The following PSMD9 variants were observed in gnomAD, a reference collection of about 807,000 sequenced individuals.
PSMD9 encodes 26S proteasome non-ATPase regulatory subunit 9.
A neutral mutation model predicts 25.9 loss-of-function variants in PSMD9; 26 were observed. That is an observed-to-expected ratio of 1.00 (90% confidence interval 0.73 to 1.39). PSMD9 has a LOEUF of 1.39. PSMD9 is among the 40% of genes most tolerant of loss of function. The pLI is 0.00. For synonymous variants in PSMD9, 110 were observed against 114.5 expected, an observed-to-expected ratio of 0.96 and a Z score of 0.25; for missense variants, 303 against 299.3, an observed-to-expected ratio of 1.01 and a Z score of -0.09.
chr12:121,911,329 G>C (rs1879713702), intron 4 of PSMD9, among the ~76,000 whole-genome samples: 1 of 151,988 alleles, frequency 6.6e-6, no homozygotes, highest in Non-Finnish European at 1.5e-5. Context: ...ACACTGTATA[G>C]TTTTTGTCTG....
At chr12:121,911,513 A>G (rs1003906929) in intron 4 of PSMD9, among the ~76,000 whole-genome samples, 15 of 152,180 alleles carry the variant, frequency 9.9e-5, no homozygotes, top group South Asian at 2.1e-4. Flanking sequence ...GTTGTGAACA[A>G]TGCTGCTTTG....
chr12:121,892,688 G>A (rs1475179607), intron 1 of PSMD9, among the ~76,000 whole-genome samples: 2 of 151,686 alleles, frequency 1.3e-5, no homozygotes, highest in Non-Finnish European at 2.9e-5. Context: ...GCAACAGAGC[G>A]AGACTCTGTC....
At position 121,915,888 on chromosome 12, in the gene PSMD9, G is replaced by C. The variant is rs781519268; in HGVS notation, c.588G>C (p.Gly196=). 1.9e-6 allele frequency: 3 copies of C among 1,613,932 alleles called. No individual in the cohort carries two copies. Among genetic ancestry groups the C allele is most frequent in the Admixed American group, 1.7e-5 (1 of 59,940 alleles). Residue 196 remains glycine (G), a synonymous_variant, in exon 5 of 6, where the codon GGG becomes GGC. Transcript: ENST00000541212. ...TGAATGTGACAGTGATCCGCAGGGGGGAAAAACACCAGCTTAGACTTGTTC... is the reference window on the plus strand; with the variant it reads ...TGAATGTGACAGTGATCCGCAGGGGCGAAAAACACCAGCTTAGACTTGTTC... ...KPLNVTVIRR[G]EKHQLRLVPT...
intron 2 of PSMD9, 60 bp from the exon 3 acceptor site, chr12:121,899,574 G>A (rs1879328062): frequency 1.4e-6 from 2 of 1,444,136 alleles, no homozygotes; most frequent in Non-Finnish European, 1.9e-6. Context: ...GTGAATAAAT[G>A]TAGGAGTCTT....
intron 4 of PSMD9, among the ~76,000 whole-genome samples, chr12:121,909,021 G>A (rs1879640094): frequency 6.6e-6 from 1 of 150,562 alleles, no homozygotes. Context: ...AGATTGGGGT[G>A]TGACAGGGGT....
chr12:121,909,186 G>A (rs963701556), intron 4 of PSMD9, among the ~76,000 whole-genome samples: 3 of 152,146 alleles, frequency 2.0e-5, no homozygotes, highest in African/African-American at 7.2e-5. Flanking sequence ...GCCTTAACCT[G>A]ATGGAGTGTG....
At chr12:121,889,123 A>G (rs1878982808) in intron 1 of PSMD9, 129 bp downstream of exon 1, 2 of 1,197,052 alleles carry the variant, frequency 1.7e-6, no homozygotes, top group Non-Finnish European at 1.2e-6. Context: ...AGGCGCCGCA[A>G]GTGCGGCCTC....
intron 2 of PSMD9, among the ~76,000 whole-genome samples, chr12:121,896,364 G>C (rs139207417): frequency 0.035 from 5,360 of 152,064 alleles, 121 homozygotes; most frequent in Non-Finnish European, 0.048. Flanking sequence ...CAGCTACTTG[G>C]GAGGCTGAGA....
intron 4 of PSMD9, among the ~76,000 whole-genome samples, chr12:121,907,224 C>G (rs966566076): frequency 2.9e-4 from 44 of 151,648 alleles, no homozygotes; most frequent in Non-Finnish European, 1.0e-4. Context: ...CACCCGCCAC[C>G]ACGCCCAGCT....
At chr12:121,891,557 G>T (rs1030055991) in intron 1 of PSMD9, among the ~76,000 whole-genome samples, 1 of 150,220 alleles carries the variant, frequency 6.7e-6, no homozygotes. Flanking sequence ...CCAAGATTGC[G>T]CCACTGCACT....
At chr12:121,909,490 T>TC (rs1194526555) in intron 4 of PSMD9, among the ~76,000 whole-genome samples, 2 of 151,852 alleles carry the variant, frequency 1.3e-5, no homozygotes, top group Non-Finnish European at 2.9e-5. Context: ...ATTTTTTTTT[T>TC]TTTCATTTTT....
chr12:121,903,162 A>G (rs1010492055), intron 4 of PSMD9, 55 bp downstream of exon 4: 12 of 1,432,848 alleles, frequency 8.4e-6, no homozygotes, highest in Non-Finnish European at 1.2e-5. Flanking sequence ...ACAGTATGCC[A>G]TAGACTGCGT....
intron 2 of PSMD9, among the ~76,000 whole-genome samples, chr12:121,895,044 C>T (rs558475752): frequency 5.3e-5 from 8 of 152,014 alleles, no homozygotes; most frequent in Non-Finnish European, 7.4e-5. Flanking sequence ...CTCTCTCTCT[C>T]TCTCTCTCTT....
intron 4 of PSMD9, among the ~76,000 whole-genome samples, chr12:121,911,623 A>C (rs1372831819): frequency 6.6e-6 from 1 of 151,592 alleles, no homozygotes; most frequent in African/African-American, 2.4e-5. Flanking sequence ...TCTATGTTTA[A>C]AGTTTCTAAA....
intron 1 of PSMD9, among the ~76,000 whole-genome samples, chr12:121,890,733 A>T (rs1879046687): frequency 6.6e-6 from 1 of 152,010 alleles, no homozygotes; most frequent in Non-Finnish European, 1.5e-5. Context: ...CTGCCTCCCA[A>T]AGTGTTGGGG....
chr12:121,903,169 G>C, intron 4 of PSMD9, 62 bp downstream of exon 4: 1 of 1,387,390 alleles, frequency 7.2e-7, no homozygotes, highest in African/African-American at 1.4e-5. Flanking sequence ...GCCATAGACT[G>C]CGTGGCTTAC....
At chr12:121,916,137 C>T in intron 5 of PSMD9, 147 bp from the exon 6 acceptor site, 1 of 1,213,898 alleles carries the variant, frequency 8.2e-7, no homozygotes, top group Non-Finnish European at 1.2e-6. Context: ...AGAGTCTCTC[C>T]TGGGAGTCTC....
rs372507878 is a variant in PSMD9, at chr12:121,905,583, A to G, written c.555+2476A>G. On this transcript the variant is annotated intron_variant, in intron 4 of 5. Coordinates refer to ENST00000541212, the MANE Select transcript of PSMD9 (RefSeq NM_002813.7). ...TGCTCTTTTGCCCAGTCTGGAGTGC[A>G]GTGGCACGATCTCGGCTCACTGCAA... Among the ~76,000 whole-genome samples the G allele has an allele frequency of 4.0e-5, 6 of 149,562 alleles. No homozygotes were observed. The East Asian group carries it at 7.9e-4, about 20-fold the overall frequency.
chr12:121,888,919 C>T lies in PSMD9; in HGVS notation c.63C>T (p.Ser21=). The T allele has an allele frequency of 1.7e-5, 27 of 1,595,894 alleles. No individual in the cohort carries two copies. Among genetic ancestry groups the T allele is most frequent in the Non-Finnish European group, 2.2e-5 (26 of 1,172,052 alleles). Residue 21 remains serine (S), a synonymous_variant, in exon 1 of 6, where the codon AGC becomes AGT. Transcript: ENST00000541212. ...GSSQAGVVTV[S]DVQELMRRKE... ...CGCAGGCCGGCGTCGTGACTGTCAG[C>T]GACGTCCAGGAGCTGATGCGGCGCA...
Sources: gnomAD v4.1 joint callset for allele counts (sites outside exome capture counted in the v4.1 genomes callset) on GRCh38, gnomAD v4.1.1 for gene constraint, MANE v1.5 for transcripts, NCBI Gene and HGNC (gene_info 2026-07-23, HGNC 2026-07-21) for gene names.